PTPN13: variants seen among roughly 807,000 people sequenced by gnomAD.
PTPN13 encodes tyrosine-protein phosphatase non-receptor type 13.
In PTPN13, 191 loss-of-function variants were observed where a neutral mutation model predicts 284.0. That is an observed-to-expected ratio of 0.67 (90% CI 0.60 to 0.76). The LOEUF is 0.76. Ranked by LOEUF, PTPN13 falls within the 30% of genes least tolerant of loss-of-function variation. PTPN13 has a pLI of 0.00. For synonymous variants in PTPN13, 986 were observed against 1,022.3 expected (o/e 0.96, Z 0.68); for missense variants, 2,797 against 2,939.9 (o/e 0.95, Z 1.12).
chr4:86,774,504 G>C lies in PTPN13; in HGVS notation c.5481G>C (p.Arg1827Ser). Residue 1827 changes from arginine (R) to serine (S), a missense_variant, in exon 33 of 48, where the codon AGG becomes AGC. Transcript: ENST00000411767. ...AGGATCCAGCCAAAAGTGATGGAAG[G>C]CTAAAACCTGGGGACCGGCTCATAA... ...VIQDPAKSDG[R>S]LKPGDRLIKV... is the part of the protein sequence containing the mutation. The C allele has an allele frequency of 2.5e-6, 4 of 1,602,854 alleles. No homozygotes were observed. In the South Asian group the frequency reaches 4.5e-5, roughly 18 times the overall value.
chr4:86,608,408 T>A (rs1340242019), intron 1 of PTPN13, among the ~76,000 whole-genome samples: 2 of 152,142 alleles, frequency 1.3e-5, no homozygotes, highest in African/African-American at 4.8e-5. Flanking sequence ...GAAGATTTAC[T>A]TGAGGCTCTG....
rs1732220413 is a variant in PTPN13, at chr4:86,710,106, A to G, written c.1196-6424A>G. ...AAAATTATTCTCCCATAAAGGAAGC[A>G]TAGAAAAGAACACTTAATATATGAA... is the stretch of plus-strand genomic sequence containing the variant. On this transcript the variant is annotated intron_variant, in intron 7 of 47. Transcript: ENST00000411767. 2.0e-5 allele frequency among the ~76,000 whole-genome samples: 3 copies of G among 152,348 alleles called. No individual in the cohort carries two copies. In the South Asian group the frequency reaches 6.2e-4, roughly 32 times the overall value.
At chr4:86,682,955 G>A (rs2148934493) in intron 3 of PTPN13, among the ~76,000 whole-genome samples, 1 of 152,174 alleles carries the variant, frequency 6.6e-6, no homozygotes. Flanking sequence ...TGACATACCT[G>A]GAGTTGTCTA....
intron 9 of PTPN13, 114 bp from the exon 10 acceptor site, chr4:86,722,098 G>A (rs976411577): frequency 4.4e-5 from 37 of 835,310 alleles, no homozygotes; most frequent in Non-Finnish European, 6.7e-5. Flanking sequence ...TCTGAGATGG[G>A]AAAATAAAAT....
rs1448480878 is a variant in PTPN13 at position 86,686,572 on chromosome 4, A to T, written c.295-138A>T. ...CTCTTTTAAGCTCTCATATACTTTTATGGAAAATATAAAATGATGATTTTC... is the reference window on the plus strand; with the variant it reads ...CTCTTTTAAGCTCTCATATACTTTTTTGGAAAATATAAAATGATGATTTTC... On this transcript the variant is annotated intron_variant, in intron 3 of 47. Transcript: ENST00000411767. 4 of 641,628 alleles carry T rather than the reference A, an allele frequency of 6.2e-6. No individual in the cohort carries two copies. In the Admixed American group the frequency reaches 1.2e-4, roughly 20 times the overall value. The allele number at this position is 641,628 out of a possible 1,614,324, so 39.7% of individuals were successfully genotyped here. A position where few individuals can be genotyped will look rare whatever the true frequency, so the allele number is the denominator to read the frequency against.
intron 28 of PTPN13, among the ~76,000 whole-genome samples, chr4:86,768,728 T>A (rs1739617577): frequency 6.7e-6 from 1 of 148,408 alleles, no homozygotes; most frequent in South Asian, 2.1e-4. Flanking sequence ...TTTTTTTTTT[T>A]GAAACAGAGT....
intron 1 of PTPN13, among the ~76,000 whole-genome samples, chr4:86,595,344 T>A (rs1300009242): frequency 6.6e-6 from 1 of 151,902 alleles, no homozygotes; most frequent in East Asian, 1.9e-4. Context: ...ATTGCTTTTC[T>A]TCTGCTTGCT....
chr4:86,745,482 A>G (rs1194662894), intron 17 of PTPN13, among the ~76,000 whole-genome samples: 2 of 152,178 alleles, frequency 1.3e-5, no homozygotes, highest in Non-Finnish European at 2.9e-5. Flanking sequence ...ACACAATAGA[A>G]GTTCAGGATT....
rs147601360 is a variant in PTPN13 at position 86,736,066 on chromosome 4, G to T, written c.2304+320G>T. 7.8e-3 allele frequency among the ~76,000 whole-genome samples: 1,190 copies of T among 152,206 alleles called. 5 individuals carry two copies. The highest frequency in any genetic ancestry group is 0.013 in the Non-Finnish European group (874 of 67,994). On this transcript the variant is annotated intron_variant, in intron 15 of 47. Coordinates refer to ENST00000411767, the MANE Select transcript of PTPN13 (RefSeq NM_080683.3). Reference sequence around the variant, plus strand: ...TTATACAGAAGAAACAAATGAATTTGGTGAATGGCTTGATATGAGAGGCAA... The same window carrying T: ...TTATACAGAAGAAACAAATGAATTTTGTGAATGGCTTGATATGAGAGGCAA...
intron 16 of PTPN13, among the ~76,000 whole-genome samples, chr4:86,744,634 A>T (rs971985916): frequency 6.6e-6 from 1 of 152,210 alleles, no homozygotes; most frequent in Admixed American, 6.5e-5. Flanking sequence ...CTGTGTTTAG[A>T]TGTATACTAC....
intron 31 of PTPN13, among the ~76,000 whole-genome samples, chr4:86,771,869 C>T (rs1740039493): frequency 6.6e-6 from 1 of 151,832 alleles, no homozygotes; most frequent in Non-Finnish European, 1.5e-5. Context: ...AGACTAGGGA[C>T]CAGAAATATA....
At position 86,770,212 on chromosome 4, in the gene PTPN13, A is replaced by G; in HGVS notation, c.4803+13A>G. 6.3e-7 allele frequency: 1 copy of G among 1,599,848 alleles called. No individual in the cohort carries two copies. The highest frequency in any genetic ancestry group is 8.6e-7 in the Non-Finnish European group (1 of 1,168,380). ...TACTGCGCTTTTGGTGAGACTTATG[A>G]AAAGTAATTTACAGTTTTATAGAAT... is the stretch of plus-strand genomic sequence containing the variant. On this transcript the variant is annotated intron_variant, in intron 30 of 47. Coordinates refer to ENST00000411767, the MANE Select transcript of PTPN13 (RefSeq NM_080683.3).
chr4:86,758,475 C>G, intron 21 of PTPN13, 126 bp downstream of exon 21: 1 of 939,814 alleles, frequency 1.1e-6, no homozygotes, highest in Non-Finnish European at 1.6e-6. Flanking sequence ...GGCTGCCCAC[C>G]TACAAGCCCA....
chr4:86,745,045 A>G lies in PTPN13; in HGVS notation c.2567A>G (p.Tyr856Cys), dbSNP rs1343945093. 1 of 1,610,158 alleles carries G rather than the reference A, an allele frequency of 6.2e-7. No homozygotes were observed. Among genetic ancestry groups the G allele is most frequent in the Non-Finnish European group, 8.5e-7 (1 of 1,178,150 alleles). Residue 856 changes from tyrosine (Y) to cysteine (C), a missense_variant, in exon 17 of 48, where the codon TAC becomes TGC. Coordinates refer to ENST00000411767, the MANE Select transcript of PTPN13 (RefSeq NM_080683.3). ...FQTDNSKICQYLLHLCSYQHK... is the reference protein window; with the variant it reads ...FQTDNSKICQCLLHLCSYQHK... The stretch of plus-strand genomic sequence containing the variant: ...ACAGACAACAGTAAGATATGCCAGT[A>G]CCTGCTGCACCTCTGCTCTTACCAG...
At chr4:86,805,235 T>G (rs774671163) in intron 43 of PTPN13, 44 bp from the exon 44 acceptor site, 1 of 1,312,288 alleles carries the variant, frequency 7.6e-7, no homozygotes, top group South Asian at 1.3e-5. Context: ...TATTACTGAA[T>G]TACTGCTTAT....
rs747287366 is a variant in PTPN13 at position 86,750,792 on chromosome 4, C to G, written c.2973C>G (p.Pro991=). The change falls in exon 18 of 48, where the codon CCC becomes CCG. Residue 991 remains proline (P), a synonymous_variant. Coordinates refer to ENST00000411767, the MANE Select transcript of PTPN13 (RefSeq NM_080683.3). ...AAAATGTCATTGTTAACATGGAACC[C>G]CCACCACAAACCGTTGCAGAGTTGG... ...HRKNVIVNME[P]PPQTVAELVG... The G allele has an allele frequency of 6.2e-7, 1 of 1,613,604 alleles. No individual in the cohort carries two copies. Among genetic ancestry groups the G allele is most frequent in the Admixed American group, 1.7e-5 (1 of 59,964 alleles).
At chr4:86,786,824 C>T (rs1476368983) in intron 40 of PTPN13, among the ~76,000 whole-genome samples, 2 of 152,010 alleles carry the variant, frequency 1.3e-5, no homozygotes, top group African/African-American at 2.4e-5. Context: ...TGATGTAGGC[C>T]GGGCGCGTTG....
At chr4:86,609,681 T>C (rs1326751342) in intron 1 of PTPN13, among the ~76,000 whole-genome samples, 1 of 152,218 alleles carries the variant, frequency 6.6e-6, no homozygotes, top group Admixed American at 6.5e-5. Flanking sequence ...TAGTCAAACA[T>C]GTTTCACACT....
At chr4:86,618,425 C>T (rs1185741125) in intron 1 of PTPN13, among the ~76,000 whole-genome samples, 1 of 152,192 alleles carries the variant, frequency 6.6e-6, no homozygotes, top group African/African-American at 2.4e-5. Flanking sequence ...TTTTTGGTTC[C>T]ATATGAACTT....
Sources: allele counts gnomAD v4.1 joint callset (sites outside exome capture counted in the v4.1 genomes callset), GRCh38; gene constraint gnomAD v4.1.1; transcripts MANE v1.5; gene names NCBI Gene and HGNC (gene_info 2026-07-23, HGNC 2026-07-21).